The following ATXN1 variants were observed in gnomAD, a reference collection of about 807,000 sequenced individuals.
ATXN1 encodes the protein ataxin 1.
In ATXN1, 8 loss-of-function variants were observed where a neutral mutation model predicts 56.4. The observed-to-expected ratio is 0.14, with a 90% CI of 0.08 to 0.26. ATXN1 has a LOEUF of 0.26. ATXN1 is among the 10% of genes least tolerant of loss of function. The pLI is 1.00. For synonymous variants in ATXN1, 514 were observed against 494.6 expected (o/e 1.04, Z -0.52); for missense variants, 987 against 1,106.5 (o/e 0.89, Z 1.53).
chr6:16,520,984 T>C (rs1441427379), intron 5 of ATXN1, among the ~76,000 whole-genome samples: 1 of 152,130 alleles, frequency 6.6e-6, no homozygotes, highest in African/African-American at 2.4e-5. Flanking sequence ...AGCTGACAAG[T>C]TGGATAAAAT....
intron 3 of ATXN1, among the ~76,000 whole-genome samples, chr6:16,627,455 G>A (rs1485446040): frequency 2.6e-5 from 4 of 152,168 alleles, no homozygotes; most frequent in East Asian, 3.8e-4. Context: ...TCGGCCAGGC[G>A]CGGTGGCTCA....
At position 16,583,421 on chromosome 6, in the gene ATXN1, C is replaced by T. The variant is rs370883012; in HGVS notation, c.-361+2359G>A. Among the ~76,000 whole-genome samples, 48 of 152,318 alleles carry T rather than the reference C, an allele frequency of 3.2e-4. 1 individual carries two copies. In the South Asian group the frequency reaches 9.3e-3, roughly 30 times the overall value. On this transcript the variant is annotated intron_variant, in intron 4 of 7. Transcript: ENST00000436367. ...AGAGATTCACAAACCTACAGCCTTC[C>T]CCTTCATGCATCTGTAGGATAAAGC...
At chr6:16,562,030 G>T (rs1194793707) in intron 4 of ATXN1, among the ~76,000 whole-genome samples, 2 of 152,134 alleles carry the variant, frequency 1.3e-5, no homozygotes, top group African/African-American at 2.4e-5. Flanking sequence ...AAGAAGAAAT[G>T]ATCAGAGCAG....
intron 6 of ATXN1, among the ~76,000 whole-genome samples, chr6:16,433,463 T>C (rs1372337720): frequency 6.6e-6 from 1 of 152,166 alleles, no homozygotes; most frequent in Non-Finnish European, 1.5e-5. Flanking sequence ...AAGGAGATTT[T>C]AGAGGTGGGC....
At chr6:16,723,855 A>G (rs1044423142) in intron 2 of ATXN1, among the ~76,000 whole-genome samples, 5 of 152,220 alleles carry the variant, frequency 3.3e-5, no homozygotes, top group Admixed American at 3.3e-4. Context: ...ACATTTCCAC[A>G]GTATGAAAAG....
chr6:16,725,680 C>T (rs1313754254), intron 2 of ATXN1, among the ~76,000 whole-genome samples: 1 of 152,208 alleles, frequency 6.6e-6, no homozygotes. Context: ...GCTACTCCCA[C>T]ATTCTCACAT....
At chr6:16,383,830 C>G (rs1416251570) in intron 6 of ATXN1, among the ~76,000 whole-genome samples, 1 of 152,204 alleles carries the variant, frequency 6.6e-6, no homozygotes, top group Non-Finnish European at 1.5e-5. Flanking sequence ...TAGAAAAGGT[C>G]ATGAATGTAG....
At chr6:16,530,287 T>C (rs1230747335) in intron 4 of ATXN1, among the ~76,000 whole-genome samples, 3 of 152,116 alleles carry the variant, frequency 2.0e-5, no homozygotes, top group Admixed American at 6.5e-5. Context: ...ACGTAGGTTG[T>C]AGAACCAGAT....
intron 3 of ATXN1, among the ~76,000 whole-genome samples, chr6:16,599,441 G>A (rs1286511558): frequency 6.6e-6 from 1 of 152,138 alleles, no homozygotes; most frequent in East Asian, 1.9e-4. Flanking sequence ...GGCCGGGCAT[G>A]GTGGCTCACA....
chr6:16,569,389 G>A (rs1762289408), intron 4 of ATXN1, among the ~76,000 whole-genome samples: 1 of 152,038 alleles, frequency 6.6e-6, no homozygotes, highest in Non-Finnish European at 1.5e-5. Context: ...AGCTGGGCAT[G>A]GTGGTGTGAG....
At chr6:16,728,600 G>T (rs1169044192) in intron 2 of ATXN1, among the ~76,000 whole-genome samples, 2 of 152,142 alleles carry the variant, frequency 1.3e-5, no homozygotes, top group African/African-American at 4.8e-5. Flanking sequence ...AAACTCCAAA[G>T]GAGAATGGTA....
chr6:16,328,564 G>A lies in ATXN1; in HGVS notation c.-160-94C>T, dbSNP rs2113415817. On this transcript the variant is annotated intron_variant, in intron 6 of 7. Transcript: ENST00000436367. The surrounding 1 kb of genome is among the most constrained non-coding windows in gnomAD (Gnocchi z 6.2). ...CATCAGAACATGAGCACCGGGGAAA[G>A]AACATCTTTGGCAAGATTAAGACTA... The A allele has an allele frequency of 2.0e-6, 1 of 496,440 alleles. No homozygotes were observed. The highest frequency in any genetic ancestry group is 3.9e-5 in the East Asian group (1 of 25,634). 30.8% of individuals were successfully genotyped at this position (496,440 alleles called of 1,614,324 possible).
rs78162972 is a variant in ATXN1, at chr6:16,418,092, A to G, written c.-161+67880T>C. Reference sequence around the variant, plus strand: ...TCCCAACGCTCTGGTGTAGCAAAAGATTGAGAAGTGAACACTGTTGTAGAG... The same window carrying G: ...TCCCAACGCTCTGGTGTAGCAAAAGGTTGAGAAGTGAACACTGTTGTAGAG... On this transcript the variant is annotated intron_variant, in intron 6 of 7. Transcript: ENST00000436367. Among the ~76,000 whole-genome samples, 811 of 152,300 alleles carry G rather than the reference A, an allele frequency of 5.3e-3. 5 individuals carry two copies. Among genetic ancestry groups the G allele is most frequent in the African/African-American group, 0.018 (749 of 41,560 alleles).
chr6:16,586,955 T>C (rs1762637319), intron 3 of ATXN1, among the ~76,000 whole-genome samples: 1 of 152,026 alleles, frequency 6.6e-6, no homozygotes, highest in South Asian at 2.1e-4. Context: ...AAGGCAGAGT[T>C]TGCAGTGAGC....
At position 16,523,358 on chromosome 6, in the gene ATXN1, A is replaced by T. The variant is rs1440454983; in HGVS notation, c.-360-670T>A. ...GGCAGAGCTGAGCTCAGACCCTGGG[A>T]TCCTCCCTCCAAAGTCCCTCTCATG... On this transcript the variant is annotated intron_variant, in intron 4 of 7. Coordinates refer to ENST00000436367, the MANE Select transcript of ATXN1 (RefSeq NM_001128164.2). Among the ~76,000 whole-genome samples, 3 of 152,120 alleles carry T rather than the reference A, an allele frequency of 2.0e-5. No homozygotes were observed. In the East Asian group the frequency reaches 5.8e-4, roughly 29 times the overall value.
intron 6 of ATXN1, among the ~76,000 whole-genome samples, chr6:16,356,023 C>T (rs143795942): frequency 3.3e-5 from 5 of 152,370 alleles, no homozygotes; most frequent in Non-Finnish European, 7.3e-5. Flanking sequence ...CGCGACCATT[C>T]TCCTCCTGAG....
intron 3 of ATXN1, among the ~76,000 whole-genome samples, chr6:16,644,275 G>T (rs1308141418): frequency 6.6e-6 from 1 of 152,208 alleles, no homozygotes; most frequent in African/African-American, 2.4e-5. Flanking sequence ...CCAGCACTTT[G>T]GGAGGCTGAG....
At chr6:16,590,479 A>G (rs1252284540) in intron 3 of ATXN1, among the ~76,000 whole-genome samples, 2 of 152,218 alleles carry the variant, frequency 1.3e-5, no homozygotes, top group East Asian at 3.8e-4. Flanking sequence ...AATGCATATT[A>G]GAGTTTTATA....
intron 3 of ATXN1, among the ~76,000 whole-genome samples, chr6:16,616,543 A>C (rs534883007): frequency 1.0e-4 from 15 of 143,586 alleles, no homozygotes; most frequent in African/African-American, 3.9e-4. Flanking sequence ...GTGTCTCAAA[A>C]AATATATATA....
Sources: allele counts gnomAD v4.1 joint callset (sites outside exome capture counted in the v4.1 genomes callset), GRCh38; gene constraint gnomAD v4.1.1; non-coding constraint Gnocchi (gnomAD v3.1); transcripts MANE v1.5; gene names NCBI Gene and HGNC (gene_info 2026-07-23, HGNC 2026-07-21).